Variants in BPTF observed in about 807,000 individuals in gnomAD.
BPTF encodes bromodomain PHD finger transcription factor.
In BPTF, 18 loss-of-function variants were observed where a neutral mutation model predicts 292.5. That is an observed-to-expected ratio of 0.06 (90% CI 0.04 to 0.09). The LOEUF is 0.09. Ranked by LOEUF, BPTF falls within the 10% of genes least tolerant of loss-of-function variation. The pLI is 1.00. For missense variants in BPTF, 2,726 were observed against 3,498.7 expected (o/e 0.78, Z 5.57); for synonymous variants, 1,225 against 1,251.9 (o/e 0.98, Z 0.45).
At chr17:67,917,914 C>A (rs923222253) in intron 11 of BPTF, among the ~76,000 whole-genome samples, 1 of 152,128 alleles carries the variant, frequency 6.6e-6, no homozygotes, top group Non-Finnish European at 1.5e-5. Flanking sequence ...CAGGTTCACG[C>A]CGTTCTTCTG....
chr17:67,946,258 A>T lies in BPTF; in HGVS notation c.7550A>T (p.Gln2517Leu), dbSNP rs781860989. 1 of 1,614,234 alleles carries T rather than the reference A, an allele frequency of 6.2e-7. No homozygotes were observed. Among genetic ancestry groups the T allele is most frequent in the South Asian group, 1.1e-5 (1 of 91,090 alleles). ...GATCAGCAGCAAAAGAAGAAACAGC[A>T]ACAGATAGAAATTAAGCGTGAACAC... ...LRDQQQKKKQQQIEIKREHTL... is the reference protein window; with the variant it reads ...LRDQQQKKKQLQIEIKREHTL... The change falls in exon 21 of 28, where the codon CAA becomes CTA. Residue 2517 changes from glutamine to leucine, a missense_variant. Physicochemically the swap from Gln to Leu is moderately radical, Grantham distance 113. Around this residue, in one of 22 missense-constraint regions of BPTF, gnomAD observed 570 missense variants for 633.5 expected, o/e 0.90. Transcript: ENST00000306378.
chr17:67,828,902 A>T (rs567323050), intron 1 of BPTF, among the ~76,000 whole-genome samples: 1 of 152,206 alleles, frequency 6.6e-6, no homozygotes, highest in Non-Finnish European at 1.5e-5. Flanking sequence ...CTCCTTAGAG[A>T]TAAGTATTGA....
chr17:67,970,450 T>C (rs1157053414), intron 26 of BPTF, among the ~76,000 whole-genome samples: 2 of 152,156 alleles, frequency 1.3e-5, no homozygotes, highest in Admixed American at 1.3e-4. Flanking sequence ...AAACATAATC[T>C]CCTATATCTC....
At chr17:67,870,766 C>CTTTTTT (rs11418428) in intron 3 of BPTF, among the ~76,000 whole-genome samples, 1,394 of 106,084 alleles carry the variant, frequency 0.013, 2 homozygotes, top group Middle Eastern at 0.029. Context: ...TGCTTCATTT[C>CTTTTTT]TTTTTTTTTT....
At chr17:67,923,147 C>T (rs1481548707) in intron 14 of BPTF, among the ~76,000 whole-genome samples, 157 bp downstream of exon 14, 1 of 151,512 alleles carries the variant, frequency 6.6e-6, no homozygotes, top group African/African-American at 2.4e-5. Flanking sequence ...CCTCTGCCTC[C>T]CAGGCTCGAG....
At chr17:67,946,400 T>C in intron 21 of BPTF, 75 bp downstream of exon 21, 1 of 1,535,394 alleles carries the variant, frequency 6.5e-7, no homozygotes, top group Non-Finnish European at 8.7e-7. Context: ...AGTGTTTGGT[T>C]GTGTTAGGTT....
At chr17:67,878,095 A>G (rs964493021) in intron 4 of BPTF, among the ~76,000 whole-genome samples, 1 of 152,192 alleles carries the variant, frequency 6.6e-6, no homozygotes, top group African/African-American at 2.4e-5. Flanking sequence ...TCTGACTTCT[A>G]TCACCACTGA....
chr17:67,928,745 G>C, intron 16 of BPTF, 144 bp downstream of exon 16: 1 of 1,158,982 alleles, frequency 8.6e-7, no homozygotes, highest in Non-Finnish European at 1.2e-6. Context: ...CGGTTGGTTT[G>C]TTACAAATAA....
At chr17:67,903,169 A>C (rs946691967) in intron 7 of BPTF, among the ~76,000 whole-genome samples, 1 of 152,360 alleles carries the variant, frequency 6.6e-6, no homozygotes, top group Admixed American at 6.5e-5. Flanking sequence ...GGATGTAAGA[A>C]ACCTGATTTC....
At chr17:67,845,751 C>T (rs575722933) in intron 1 of BPTF, among the ~76,000 whole-genome samples, 7 of 151,422 alleles carry the variant, frequency 4.6e-5, no homozygotes, top group East Asian at 1.9e-4. Flanking sequence ...CTAGCCTGAG[C>T]GACAGCAAGA....
Position 67,912,860 on chromosome 17 carries a change from C to T in BPTF, c.4976C>T (p.Thr1659Met), listed in dbSNP as rs202095865. ...VKEQSKTVVT[T>M]TVTDSLTTTG... is the part of the protein sequence containing the mutation. ...GAGCAGAGCAAAACCGTGGTCACCA[C>T]GACAGTGACAGACTCCCTGACCACC... The change falls in exon 11 of 28, where the codon ACG becomes ATG. Residue 1659 changes from threonine to methionine, a missense_variant. Physicochemically the swap from Thr to Met is moderately conservative, Grantham distance 81. Transcript: ENST00000306378. 4.6e-5 allele frequency: 74 copies of T among 1,614,076 alleles called. No homozygotes were observed. The East Asian group carries it at 1.2e-3, about 25-fold the overall frequency.
At chr17:67,829,112 TTTGTTG>T (rs139786693) in intron 1 of BPTF, among the ~76,000 whole-genome samples, 4 of 151,582 alleles carry the variant, frequency 2.6e-5, no homozygotes, top group East Asian at 3.9e-4. Context: ...GTTTTTGTTT[TTTGTTG>T]TTGTTGTTTT....
intron 7 of BPTF, 44 bp from the exon 8 acceptor site, chr17:67,903,745 T>C: frequency 6.8e-7 from 1 of 1,477,074 alleles, no homozygotes; most frequent in East Asian, 2.5e-5. Flanking sequence ...CTTTTCTGTT[T>C]ATTTTTCCAA....
rs762655170 is a variant in BPTF, at chr17:67,928,379, A to G, written c.5776A>G (p.Thr1926Ala). Residue 1926 changes from threonine (T) to alanine (A), a missense_variant, in exon 16 of 28, where the codon ACA (threonine) becomes GCA (alanine). Physicochemically the swap from Thr to Ala is moderately conservative, Grantham distance 58. Transcript: ENST00000306378. Reference sequence around the variant, plus strand: ...GAAACGACTGGAGCAGCAGAAGCCGACAGTGATTGCAACTTCCACTACTTC... The same window carrying G: ...GAAACGACTGGAGCAGCAGAAGCCGGCAGTGATTGCAACTTCCACTACTTC... ...AKKRLEQQKP[T>A]VIATSTTSPT... 6.2e-7 allele frequency: 1 copy of G among 1,613,332 alleles called. No individual in the cohort carries two copies. Among genetic ancestry groups the G allele is most frequent in the Non-Finnish European group, 8.5e-7 (1 of 1,179,608 alleles).
At position 67,917,902 on chromosome 17, in the gene BPTF, C is replaced by G. The variant is rs187078638; in HGVS notation, c.5304-812C>G. Among the ~76,000 whole-genome samples, 25 of 152,324 alleles carry G rather than the reference C, an allele frequency of 1.6e-4. No homozygotes were observed. The East Asian group carries it at 4.1e-3, about 25-fold the overall frequency. ...TCTTGGCTCACTGAAAGCTACACCT[C>G]CCAGGTTCACGCCGTTCTTCTGCCT... On this transcript the variant is annotated intron_variant, in intron 11 of 27. Coordinates refer to ENST00000306378, the MANE Select transcript of BPTF (RefSeq NM_182641.4).
chr17:67,964,757 T>G (rs1486248957), intron 25 of BPTF, among the ~76,000 whole-genome samples: 1 of 152,034 alleles, frequency 6.6e-6, no homozygotes, highest in Non-Finnish European at 1.5e-5. Flanking sequence ...TCCCAGCACT[T>G]TGGGAGGCCA....
At chr17:67,853,566 T>G (rs1422847342) in intron 1 of BPTF, among the ~76,000 whole-genome samples, 1 of 152,086 alleles carries the variant, frequency 6.6e-6, no homozygotes, top group Non-Finnish European at 1.5e-5. Context: ...TCATTTATAT[T>G]CTTGTCAAAT....
At chr17:67,934,658 G>C (rs1201597562) in intron 18 of BPTF, among the ~76,000 whole-genome samples, 1 of 151,276 alleles carries the variant, frequency 6.6e-6, no homozygotes, top group East Asian at 2.0e-4. Context: ...TGGATCACAA[G>C]GTCAAGAGAT....
intron 4 of BPTF, among the ~76,000 whole-genome samples, chr17:67,883,127 T>G (rs9892803): frequency 0.3 from 46,283 of 151,760 alleles, 8,413 homozygotes; most frequent in East Asian, 0.66. Flanking sequence ...AGCCTGGCCA[T>G]TATAGTGAAA....
Sources: gnomAD v4.1 joint callset for allele counts (sites outside exome capture counted in the v4.1 genomes callset) on GRCh38, gnomAD v4.1.1 for gene constraint, gnomAD v4.1.1 regional missense constraint, MANE v1.5 for transcripts, NCBI Gene and HGNC (gene_info 2026-07-23, HGNC 2026-07-21) for gene names.